The following SND1 variants were observed in gnomAD, a reference collection of about 807,000 sequenced individuals.
SND1 encodes the protein staphylococcal nuclease and tudor domain containing 1, also known as staphylococcal nuclease domain-containing protein 1.
SND1 carries 38 observed loss-of-function variants against 121.7 expected under a neutral mutation model. The ratio of observed to expected loss-of-function variants is 0.31; its 90% CI spans 0.24 to 0.41. The LOEUF is 0.41. Ranked by LOEUF, SND1 falls within the 10% of genes least tolerant of loss-of-function variation. The pLI, the probability that SND1 is intolerant of heterozygous loss-of-function variation, is 1.00. For missense variants in SND1, 868 were observed against 1,184.6 expected (o/e 0.73, Z 3.92); for synonymous variants, 401 against 447.4 (o/e 0.90, Z 1.31).
In SND1 at chr7:127,703,247, G is replaced by A. The variant is rs1012816483; in HGVS notation, c.764G>A (p.Arg255Gln). The change falls in exon 7 of 24, where the codon CGA becomes CAA. Residue 255 changes from arginine to glutamine, a missense_variant. By Grantham distance (43) the Arg-to-Gln change is conservative (BLOSUM62 1). Transcript: ENST00000354725. ...GAAGCCAAATTTTTCACTGAGTCGC[G>A]ACTGCTTCAGAGAGATGTTCAGATC... ...AAEAKFFTES[R>Q]LLQRDVQIIL... The A allele has an allele frequency of 3.1e-6, 5 of 1,614,094 alleles. No individual in the cohort carries two copies. The highest frequency in any genetic ancestry group is 1.1e-5 in the South Asian group (1 of 91,074).
chr7:127,818,822 AAGG>A (rs1170705470), intron 11 of SND1, among the ~76,000 whole-genome samples: 1 of 152,232 alleles, frequency 6.6e-6, no homozygotes. Context: ...AAAGCAAGGA[AAGG>A]AGAAGTAAAG....
chr7:127,975,790 G>A (rs1431812397), intron 15 of SND1, among the ~76,000 whole-genome samples: 4 of 152,274 alleles, frequency 2.6e-5, no homozygotes, highest in Non-Finnish European at 5.9e-5. Flanking sequence ...TCTTCTGTGC[G>A]CTGTAGCGCC....
chr7:127,790,909 A>G (rs17662898), intron 10 of SND1, among the ~76,000 whole-genome samples: 7,859 of 152,260 alleles, frequency 0.052, 261 homozygotes, highest in Non-Finnish European at 0.077. Flanking sequence ...CATAAGATCC[A>G]TTCGTGGAGC....
At chr7:127,779,662 C>T (rs1214383444) in intron 10 of SND1, among the ~76,000 whole-genome samples, 3 of 152,314 alleles carry the variant, frequency 2.0e-5, no homozygotes, top group East Asian at 1.9e-4. Flanking sequence ...AAAAGTGCTC[C>T]ATGGAACAGT....
chr7:127,886,158 T>C (rs1799902924), intron 12 of SND1, among the ~76,000 whole-genome samples: 1 of 152,082 alleles, frequency 6.6e-6, no homozygotes. Context: ...GGAGTGGATT[T>C]TGAGAAGTGC....
chr7:127,738,436 G>A (rs566098369), intron 10 of SND1, among the ~76,000 whole-genome samples: 2 of 151,830 alleles, frequency 1.3e-5, no homozygotes, highest in South Asian at 4.2e-4. Context: ...CTGCCACCAC[G>A]CTTGTCTAAT....
intron 13 of SND1, among the ~76,000 whole-genome samples, chr7:127,893,354 A>G (rs1334296582): frequency 6.6e-6 from 1 of 152,086 alleles, no homozygotes; most frequent in Non-Finnish European, 1.5e-5. Flanking sequence ...TTCTTTATAC[A>G]TGGGGGATAT....
At chr7:127,904,676 A>T in intron 13 of SND1, 71 bp from the exon 14 acceptor site, 1 of 1,030,648 alleles carries the variant, frequency 9.7e-7, no homozygotes, top group East Asian at 2.4e-5. Context: ...TTCTCTCTTC[A>T]TTTTTGCACC....
chr7:127,882,718 C>A (rs1799816724), intron 12 of SND1, among the ~76,000 whole-genome samples: 1 of 152,116 alleles, frequency 6.6e-6, no homozygotes. Flanking sequence ...AGGAAATTTT[C>A]CCCTGGCTAC....
chr7:127,921,969 AT>A (rs1022168438), intron 14 of SND1, among the ~76,000 whole-genome samples: 15 of 151,840 alleles, frequency 9.9e-5, no homozygotes, highest in Non-Finnish European at 1.5e-4. Context: ...CCAGACCATT[AT>A]CTTTGCTTTG....
In SND1 at chr7:128,029,629, G is replaced by T. The variant is rs762377500; in HGVS notation, c.1779+38573G>T. The stretch of plus-strand genomic sequence containing the variant: ...GCCTGGTCCACCTCCACGAGGTAGC[G>T]GCCTCGCATGTGCATGGGAGCATGA... On this transcript the variant is annotated intron_variant, in intron 16 of 23. Transcript: ENST00000354725. This position sits in a 1 kb window ranked among gnomAD's most constrained non-coding sequence, Gnocchi z 4.2. 1 of 1,614,024 alleles carries T rather than the reference G, an allele frequency of 6.2e-7. No homozygotes were observed. The highest frequency in any genetic ancestry group is 8.5e-7 in the Non-Finnish European group (1 of 1,180,002).
rs529446574 is a variant in SND1, at chr7:127,709,068, G to A, written c.1038+1421G>A. ...TCTTTTTGTAGGTGATGTCCAGGCA[G>A]CTGTGAGGTGAGCCAAAATCATTCC... On this transcript the variant is annotated intron_variant, in intron 9 of 23. Coordinates refer to ENST00000354725, the MANE Select transcript of SND1 (RefSeq NM_014390.4). Among the ~76,000 whole-genome samples, 31 of 152,296 alleles carry A rather than the reference G, an allele frequency of 2.0e-4. No homozygotes were observed. In the Middle Eastern group the frequency reaches 0.01, roughly 50 times the overall value.
At chr7:127,924,912 A>G (rs1288721373) in intron 14 of SND1, among the ~76,000 whole-genome samples, 1 of 152,188 alleles carries the variant, frequency 6.6e-6, no homozygotes, top group Non-Finnish European at 1.5e-5. Context: ...GGGCAGAGTG[A>G]GAGTTTATAA....
At chr7:127,777,903 T>A (rs1376182381) in intron 10 of SND1, among the ~76,000 whole-genome samples, 1 of 152,170 alleles carries the variant, frequency 6.6e-6, no homozygotes, top group African/African-American at 2.4e-5. Flanking sequence ...TAAGCAAATA[T>A]TCATATAGTT....
chr7:128,029,643 A>G lies in SND1; in HGVS notation c.1779+38587A>G. 4 of 1,614,002 alleles carry G rather than the reference A, an allele frequency of 2.5e-6. No individual in the cohort carries two copies. Among genetic ancestry groups the G allele is most frequent in the Non-Finnish European group, 3.4e-6 (4 of 1,179,998 alleles). On this transcript the variant is annotated intron_variant, in intron 16 of 23. Coordinates refer to ENST00000354725, the MANE Select transcript of SND1 (RefSeq NM_014390.4). This position sits in a 1 kb window ranked among gnomAD's most constrained non-coding sequence, Gnocchi z 4.2. Reference sequence around the variant, plus strand: ...CACGAGGTAGCGGCCTCGCATGTGCATGGGAGCATGACAGCGGCCACAGCA... The same window carrying G: ...CACGAGGTAGCGGCCTCGCATGTGCGTGGGAGCATGACAGCGGCCACAGCA...
Position 127,844,393 on chromosome 7 carries a change from C to T in SND1, c.1312C>T (p.Arg438Cys). ...AGAGACAGTGCCTGCCTTTTCAGAG[C>T]GTACCTGTGCCACTGTCACCATTGG... The part of the protein sequence containing the change: ...ATETVPAFSE[R>C]TCATVTIGGI... The change falls in exon 12 of 24, where the codon CGT becomes TGT. Residue 438 changes from arginine (R) to cysteine (C), a missense_variant. By Grantham distance (180) the Arg-to-Cys change is radical (BLOSUM62 -3). Coordinates refer to ENST00000354725, the MANE Select transcript of SND1 (RefSeq NM_014390.4). 6.2e-7 allele frequency: 1 copy of T among 1,613,554 alleles called. No homozygotes were observed.
At chr7:127,905,279 GA>G (rs1423383587) in intron 14 of SND1, among the ~76,000 whole-genome samples, 5 of 152,114 alleles carry the variant, frequency 3.3e-5, no homozygotes, top group Non-Finnish European at 7.4e-5. Context: ...ACAGAATGGA[GA>G]AATGTATGAA....
At chr7:127,720,145 C>T (rs1408753289) in intron 9 of SND1, among the ~76,000 whole-genome samples, 3 of 152,128 alleles carry the variant, frequency 2.0e-5, no homozygotes, top group Non-Finnish European at 4.4e-5. Context: ...GAGAGGCCTC[C>T]TTTAAGATAC....
intron 16 of SND1, among the ~76,000 whole-genome samples, chr7:128,024,630 G>C (rs1440242379): frequency 6.6e-6 from 1 of 152,196 alleles, no homozygotes. Flanking sequence ...ACGGCACTCA[G>C]CAAGTTGCTG....
Sources: gnomAD v4.1 joint callset for allele counts (sites outside exome capture counted in the v4.1 genomes callset) on GRCh38, gnomAD v4.1.1 for gene constraint, Gnocchi (gnomAD v3.1) non-coding constraint, MANE v1.5 for transcripts, NCBI Gene and HGNC (gene_info 2026-07-23, HGNC 2026-07-21) for gene names.